MAPKAPK3: variants seen among roughly 807,000 people sequenced by gnomAD.
MAPKAPK3 encodes MAPK activated protein kinase 3.
MAPKAPK3 carries 35 observed loss-of-function variants against 49.2 expected under a neutral mutation model. That is an observed-to-expected ratio of 0.71 (90% CI 0.54 to 0.94). MAPKAPK3 has a LOEUF of 0.94. MAPKAPK3 is among the 40% of genes least tolerant of loss of function. MAPKAPK3 has a pLI of 0.00. For synonymous variants in MAPKAPK3, 178 were observed against 188.7 expected (o/e 0.94, Z 0.46); for missense variants, 398 against 493.1 (o/e 0.81, Z 1.83).
At chr3:50,633,474 C>T (rs1222293202) in intron 2 of MAPKAPK3, among the ~76,000 whole-genome samples, 1 of 152,090 alleles carries the variant, frequency 6.6e-6, no homozygotes, top group African/African-American at 2.4e-5. Context: ...CCTACATATG[C>T]ACTCACCCAC....
chr3:50,647,255 G>A, intron 10 of MAPKAPK3, 52 bp downstream of exon 10: 1 of 1,460,522 alleles, frequency 6.8e-7, no homozygotes, highest in Non-Finnish European at 9.4e-7. Flanking sequence ...TTGGGCAAAA[G>A]GGACTTCAGG....
At chr3:50,642,832 G>C (rs1293235989) in intron 5 of MAPKAPK3, among the ~76,000 whole-genome samples, 1 of 152,108 alleles carries the variant, frequency 6.6e-6, no homozygotes, top group Non-Finnish European at 1.5e-5. Context: ...TGATGCTGTT[G>C]GTTTTTTTTG....
chr3:50,617,851 C>T, intron 2 of MAPKAPK3, 67 bp downstream of exon 2: 1 of 1,248,902 alleles, frequency 8.0e-7, no homozygotes, highest in Non-Finnish European at 1.2e-6. Flanking sequence ...GTGAGTGAAG[C>T]TATGTCTAGC....
At chr3:50,619,088 A>G (rs2032545856) in intron 2 of MAPKAPK3, among the ~76,000 whole-genome samples, 1 of 152,364 alleles carries the variant, frequency 6.6e-6, no homozygotes, top group South Asian at 2.1e-4. Flanking sequence ...ATGATATCCT[A>G]GACTCTGGAA....
upstream of MAPKAPK3, among the ~76,000 whole-genome samples, chr3:50,616,496 C>T (rs1240073568): frequency 7.9e-5 from 12 of 152,138 alleles, no homozygotes; most frequent in Admixed American, 5.9e-4. Flanking sequence ...CGCCAAAAGC[C>T]CAAACCATAA....
At chr3:50,623,327 G>T (rs1232779376) in intron 2 of MAPKAPK3, among the ~76,000 whole-genome samples, 1 of 152,212 alleles carries the variant, frequency 6.6e-6, no homozygotes, top group Non-Finnish European at 1.5e-5. Flanking sequence ...CCTGGGGAGG[G>T]CATCAAACCC....
At chr3:50,629,863 G>A (rs2032859672) in intron 2 of MAPKAPK3, among the ~76,000 whole-genome samples, 1 of 152,194 alleles carries the variant, frequency 6.6e-6, no homozygotes, top group Admixed American at 6.5e-5. Context: ...TTAGTAAATT[G>A]GAGGAATCTT....
upstream of MAPKAPK3, chr3:50,611,824 C>T: frequency 2.5e-6 from 2 of 812,204 alleles, no homozygotes; most frequent in Middle Eastern, 3.8e-4. Flanking sequence ...GCGGGCCAGA[C>T]GAGCGGGGCG....
rs2033371047 is a variant in MAPKAPK3, at chr3:50,648,959, T to A, written c.*913T>A. On this transcript the variant is annotated 3_prime_UTR_variant, in exon 11 of 11. Coordinates refer to ENST00000621469, the MANE Select transcript of MAPKAPK3 (RefSeq NM_001243925.2). ...GTGGCTGGTTGGGAGCAGAGCTAAG[T>A]GGCTTCCCATTAACCTGAGGTCTCT... 6.6e-6 allele frequency: 1 copy of A among 152,250 alleles called. No homozygotes were observed. Among genetic ancestry groups the A allele is most frequent in the Non-Finnish European group, 1.5e-5 (1 of 68,050 alleles). The allele number at this position is 152,250 out of a possible 1,614,324, so 9.4% of individuals were successfully genotyped here.
At chr3:50,646,452 A>T (rs112063256) in intron 8 of MAPKAPK3, among the ~76,000 whole-genome samples, 188 bp downstream of exon 8, 1 of 152,286 alleles carries the variant, frequency 6.6e-6, no homozygotes, top group African/African-American at 2.4e-5. Context: ...ACAGGCTCAA[A>T]ACTTGCCTCC....
intron 10 of MAPKAPK3, 127 bp from the exon 11 acceptor site, chr3:50,647,767 C>T: frequency 2.3e-6 from 2 of 881,504 alleles, no homozygotes; most frequent in Non-Finnish European, 3.6e-6. Flanking sequence ...CAGTGCTGGG[C>T]ACACAGTGGG....
rs1026927120 is a variant in MAPKAPK3, at chr3:50,648,175, C to T, written c.*129C>T. 3 of 1,014,102 alleles carry T rather than the reference C, an allele frequency of 3.0e-6. No homozygotes were observed. The African/African-American group carries it at 4.9e-5, about 17-fold the overall frequency. The allele number at this position is 1,014,102 out of a possible 1,614,324, so 62.8% of individuals were successfully genotyped here. A position where few individuals can be genotyped will look rare whatever the true frequency, so the allele number is the denominator to read the frequency against. ...ATTATTTTGTTGTGTTTTAATTTGTCACTCGGAACTTCAGGATGGAGGACC... is the reference window on the plus strand; with the variant it reads ...ATTATTTTGTTGTGTTTTAATTTGTTACTCGGAACTTCAGGATGGAGGACC... On this transcript the variant is annotated 3_prime_UTR_variant, in exon 11 of 11. Coordinates refer to ENST00000621469, the MANE Select transcript of MAPKAPK3 (RefSeq NM_001243925.2).
upstream of MAPKAPK3, among the ~76,000 whole-genome samples, chr3:50,613,575 T>C (rs918764276): frequency 1.3e-5 from 2 of 152,222 alleles, no homozygotes; most frequent in Non-Finnish European, 2.9e-5. Context: ...GTCTCATTAC[T>C]ATGAAGACAA....
At chr3:50,638,394 G>T (rs1318171570) in intron 2 of MAPKAPK3, among the ~76,000 whole-genome samples, 1 of 152,196 alleles carries the variant, frequency 6.6e-6, no homozygotes, top group Admixed American at 6.5e-5. Flanking sequence ...CCAGTGCTGA[G>T]AAAGAAGCTG....
At chr3:50,613,119 A>G (rs1277194045), upstream of MAPKAPK3, among the ~76,000 whole-genome samples, 1 of 150,254 alleles carries the variant, frequency 6.7e-6, no homozygotes, top group Non-Finnish European at 1.5e-5. Flanking sequence ...TGCAGGGTCC[A>G]CTCCCCACCC....
At position 50,640,493 on chromosome 3, in the gene MAPKAPK3, T is replaced by G; in HGVS notation, c.347T>G (p.Ile116Ser). The G allele has an allele frequency of 6.2e-7, 1 of 1,611,890 alleles. No homozygotes were observed. Among genetic ancestry groups the G allele is most frequent in the Non-Finnish European group, 8.5e-7 (1 of 1,178,320 alleles). ...NMHHGKRCLL[I>S]IMECMEGGEL... ...CACCATGGCAAGCGCTGTCTCCTCA[T>G]CATCATGGAATGGTATGCTGGCCTG... Residue 116 changes from isoleucine to serine, a missense_variant, in exon 3 of 11, where the codon ATC becomes AGC. Around this residue, in one of 5 missense-constraint regions of MAPKAPK3, gnomAD observed 52 missense variants for 91.9 expected, o/e 0.57. Transcript: ENST00000621469.
intron 2 of MAPKAPK3, among the ~76,000 whole-genome samples, chr3:50,627,822 G>C (rs1696424174): frequency 6.6e-6 from 1 of 152,162 alleles, no homozygotes. Context: ...AGCAGGAGGG[G>C]AGAGGGGCCA....
chr3:50,622,680 C>G (rs981250953), intron 2 of MAPKAPK3, among the ~76,000 whole-genome samples: 5 of 152,154 alleles, frequency 3.3e-5, no homozygotes, highest in African/African-American at 1.2e-4. Context: ...AGAGATAAGC[C>G]ACAGAGAAAT....
intron 2 of MAPKAPK3, among the ~76,000 whole-genome samples, chr3:50,639,587 C>T (rs1253452203): frequency 6.6e-6 from 1 of 152,190 alleles, no homozygotes; most frequent in Non-Finnish European, 1.5e-5. Flanking sequence ...TGTTCTCATG[C>T]CCACTCCTGG....
Sources: allele counts gnomAD v4.1 joint callset (sites outside exome capture counted in the v4.1 genomes callset), GRCh38; gene constraint gnomAD v4.1.1; regional missense constraint gnomAD v4.1.1; transcripts MANE v1.5; gene names NCBI Gene and HGNC (gene_info 2026-07-23, HGNC 2026-07-21).